Variants in ANXA2 observed in about 807,000 individuals in gnomAD.
The protein encoded by ANXA2 is annexin II.
A neutral mutation model predicts 47.3 loss-of-function variants in ANXA2; 28 were observed. The observed-to-expected ratio is 0.59, with a 90% CI of 0.44 to 0.81. The LOEUF (loss-of-function observed/expected upper bound fraction) is 0.81, where lower values mean the gene tolerates loss of function less well. Ranked by LOEUF, ANXA2 falls within the 40% of genes least tolerant of loss-of-function variation. The pLI is 0.00. For synonymous variants in ANXA2, 172 were observed against 155.5 expected, an observed-to-expected ratio of 1.11 and a Z score of -0.79; for missense variants, 384 against 414.3, an observed-to-expected ratio of 0.93 and a Z score of 0.64.
intron 1 of ANXA2, among the ~76,000 whole-genome samples, chr15:60,391,753 T>C (rs2063014326): frequency 1.3e-5 from 2 of 152,178 alleles, no homozygotes; most frequent in Admixed American, 1.3e-4. Context: ...CATCACCGTA[T>C]AAAACTCATA....
At chr15:60,358,243 T>G (rs1462543093) in intron 5 of ANXA2, among the ~76,000 whole-genome samples, 3 of 152,222 alleles carry the variant, frequency 2.0e-5, no homozygotes, top group Non-Finnish European at 4.4e-5. Context: ...GGAATAAGAA[T>G]TTGATGGGTG....
chr15:60,374,987 C>G (rs1046166809), intron 3 of ANXA2, among the ~76,000 whole-genome samples: 15 of 152,200 alleles, frequency 9.9e-5, no homozygotes, highest in African/African-American at 3.4e-4. Context: ...AGAGAGGCTA[C>G]TTTTCCCAGC....
At position 60,360,965 on chromosome 15, in the gene ANXA2, A is replaced by G. The variant is rs780979758; in HGVS notation, c.333T>C (p.Ala111=). 6.2e-7 allele frequency: 1 copy of G among 1,612,102 alleles called. No individual in the cohort carries two copies. Among genetic ancestry groups the G allele is most frequent in the Non-Finnish European group, 8.5e-7 (1 of 1,178,128 alleles). The part of the protein sequence containing the change: ...GLLKTPAQYD[A]SELKASMKGL... ...CCTTCATGGAAGCTTTTAGCTCAGAAGCGTCATACTGAGCAGGTGTCTTCA... is the reference window on the plus strand; with the variant it reads ...CCTTCATGGAAGCTTTTAGCTCAGAGGCGTCATACTGAGCAGGTGTCTTCA... The change falls in exon 5 of 13, where the codon GCT becomes GCC. Residue 111 remains alanine (A), a synonymous_variant. Transcript: ENST00000451270.
intron 1 of ANXA2, among the ~76,000 whole-genome samples, chr15:60,392,486 A>G (rs2063026010): frequency 6.8e-6 from 1 of 147,664 alleles, no homozygotes; most frequent in African/African-American, 2.5e-5. Flanking sequence ...AAAAAGGACA[A>G]GTGAAGCAGT....
rs755538492 is a variant in ANXA2 at position 60,386,066 on chromosome 15, C to T, written c.10G>A (p.Val4Ile). The T allele has an allele frequency of 6.2e-7, 1 of 1,612,948 alleles. No homozygotes were observed. The highest frequency in any genetic ancestry group is 8.5e-7 in the Non-Finnish European group (1 of 1,179,340). MSTVHEILCKLSLE... is the reference protein window; with the variant it reads MSTIHEILCKLSLE... ...CTGAGCTTGCACAGGATTTCGTGAA[C>T]AGTAGACATTTTGAAGGAAGCTGGA... is the stretch of plus-strand genomic sequence containing the variant. The change falls in exon 2 of 13, where the codon GTT becomes ATT. Residue 4 changes from valine (V) to isoleucine (I), a missense_variant. Transcript: ENST00000451270.
At chr15:60,373,758 C>A (rs2062740726) in intron 3 of ANXA2, among the ~76,000 whole-genome samples, 1 of 152,156 alleles carries the variant, frequency 6.6e-6, no homozygotes, top group Non-Finnish European at 1.5e-5. Flanking sequence ...CTTATTTTAC[C>A]AGGATGCAGA....
chr15:60,372,740 C>G (rs1458842423), intron 3 of ANXA2, among the ~76,000 whole-genome samples: 1 of 148,012 alleles, frequency 6.8e-6, no homozygotes, highest in African/African-American at 2.5e-5. Flanking sequence ...GTTGACCAGG[C>G]TGGAGTACAG....
At chr15:60,382,582 A>G in intron 2 of ANXA2, 141 bp from the exon 3 acceptor site, 3 of 540,990 alleles carry the variant, frequency 5.5e-6, no homozygotes, top group South Asian at 2.6e-5. Flanking sequence ...AGGTATTAAC[A>G]CACCATCACA....
chr15:60,393,066 G>C (rs1456885047), intron 1 of ANXA2: 2 of 1,287,178 alleles, frequency 1.6e-6, no homozygotes, highest in South Asian at 2.5e-5. Flanking sequence ...TCTTCTCCTT[G>C]GTTTTATGGT....
intron 5 of ANXA2, among the ~76,000 whole-genome samples, chr15:60,360,255 C>T (rs545225784): frequency 6.6e-6 from 1 of 151,276 alleles, no homozygotes; most frequent in African/African-American, 2.5e-5. Context: ...AAATCCATCT[C>T]AAAAAACAAA....
At chr15:60,364,014 A>G (rs1307729429) in intron 4 of ANXA2, among the ~76,000 whole-genome samples, 1 of 152,176 alleles carries the variant, frequency 6.6e-6, no homozygotes, top group Admixed American at 6.5e-5. Flanking sequence ...TTCTATTCCC[A>G]GAAGCTCTCC....
chr15:60,376,969 C>T (rs2062787770), intron 3 of ANXA2, among the ~76,000 whole-genome samples: 1 of 152,196 alleles, frequency 6.6e-6, no homozygotes, highest in Non-Finnish European at 1.5e-5. Flanking sequence ...CACGTGTGTA[C>T]ACACGGCTAC....
chr15:60,386,263 G>A, intron 1 of ANXA2, 177 bp from the exon 2 acceptor site: 1 of 587,554 alleles, frequency 1.7e-6, no homozygotes. Context: ...CCTCAGAGAT[G>A]GTCTGCCTTG....
In ANXA2 at chr15:60,361,460, AAGC is replaced by A. The variant is rs1175808750; in HGVS notation, c.244-409_244-407del. ...ATGTTTGAGCAGACAGCCTCCTGGCAAGCAGATCTTGTGGCCTCCCGATATACT... is the reference window on the plus strand; with the variant it reads ...ATGTTTGAGCAGACAGCCTCCTGGCAAGATCTTGTGGCCTCCCGATATACT... On this transcript the variant is annotated intron_variant, in intron 4 of 12. Transcript: ENST00000451270. 1.6e-5 allele frequency: 3 copies of A among 184,234 alleles called. No individual in the cohort carries two copies. In the Admixed American group the frequency reaches 1.7e-4, roughly 10 times the overall value. The allele number at this position is 184,234 out of a possible 1,614,324, so 11.4% of individuals were successfully genotyped here.
chr15:60,365,869 T>TCCCC (rs2062589704), intron 3 of ANXA2, among the ~76,000 whole-genome samples: 3 of 18,068 alleles, frequency 1.7e-4, no homozygotes, highest in Admixed American at 6.9e-4. Flanking sequence ...TCCCCCTCCC[T>TCCCC]CTCCCTCCAC....
At chr15:60,365,881 G>T (rs1217790115) in intron 3 of ANXA2, among the ~76,000 whole-genome samples, 7 of 61,192 alleles carry the variant, frequency 1.1e-4, no homozygotes, top group African/African-American at 4.6e-4. Flanking sequence ...TCCCTCCACG[G>T]TCTCCCTCTG....
Position 60,360,961 on chromosome 15 carries a change from C to T in ANXA2, c.337G>A (p.Glu113Lys). Residue 113 changes from glutamate to lysine, a missense_variant, in exon 5 of 13, where the codon GAG (glutamate) becomes AAG (lysine). Glu to Lys is a moderately conservative substitution (Grantham distance 56). Coordinates refer to ENST00000451270, the MANE Select transcript of ANXA2 (RefSeq NM_004039.3). ...LKTPAQYDAS[E>K]LKASMKGLGT... ...TTTACCTTCATGGAAGCTTTTAGCT[C>T]AGAAGCGTCATACTGAGCAGGTGTC... 6.2e-7 allele frequency: 1 copy of T among 1,611,114 alleles called. No individual in the cohort carries two copies. Among genetic ancestry groups the T allele is most frequent in the Non-Finnish European group, 8.5e-7 (1 of 1,177,326 alleles).
Position 60,351,758 on chromosome 15 carries a change from A to C in ANXA2, c.744T>G (p.Val248=), listed in dbSNP as rs779634258. 5.0e-6 allele frequency: 8 copies of C among 1,613,772 alleles called. No individual in the cohort carries two copies. The highest frequency in any genetic ancestry group is 6.8e-6 in the Non-Finnish European group (8 of 1,179,672). ...YDMLESIRKE[V]KGDLENAFLN... is the part of the protein sequence containing the mutation. The stretch of plus-strand genomic sequence containing the variant: ...GGAAAGCATTTTCCAGGTCTCCTTT[A>C]ACCTCTTTCCTGATGCTTTCCAACA... The change falls in exon 10 of 13, where the codon GTT becomes GTG. Residue 248 remains valine, a synonymous_variant. Transcript: ENST00000451270.
At chr15:60,364,244 G>A (rs150072411) in intron 4 of ANXA2, among the ~76,000 whole-genome samples, 185 bp downstream of exon 4, 9 of 152,326 alleles carry the variant, frequency 5.9e-5, no homozygotes, top group South Asian at 4.1e-4. Flanking sequence ...GTGCACGCGC[G>A]CGTGCACACA....
Sources: gnomAD v4.1 joint callset for allele counts (sites outside exome capture counted in the v4.1 genomes callset) on GRCh38, gnomAD v4.1.1 for gene constraint, MANE v1.5 for transcripts, NCBI Gene and HGNC (gene_info 2026-07-23, HGNC 2026-07-21) for gene names.